WIPF3: variants seen among roughly 807,000 people sequenced by gnomAD.
WIPF3 encodes the protein WAS/WASL-interacting protein family member 3.
Under a neutral mutation model 38.9 loss-of-function variants are expected in WIPF3, and 33 were observed. The ratio of observed to expected loss-of-function variants is 0.85; its 90% CI spans 0.64 to 1.14. The LOEUF is 1.14. Among genes scored for constraint, WIPF3 ranks in the 50% most tolerant of loss-of-function variants. The pLI is 0.00. For missense variants in WIPF3, 711 were observed against 652.5 expected (o/e 1.09, Z -0.98); for synonymous variants, 324 against 269.3 (o/e 1.20, Z -1.99).
chr7:29,867,107 T>C (rs1439646983), intron 2 of WIPF3, among the ~76,000 whole-genome samples: 1 of 152,244 alleles, frequency 6.6e-6, no homozygotes, highest in Non-Finnish European at 1.5e-5. Context: ...TACAAATGCC[T>C]TCCCATTTCT....
At chr7:29,887,797 C>T (rs1186447466) in intron 5 of WIPF3, among the ~76,000 whole-genome samples, 1 of 152,196 alleles carries the variant, frequency 6.6e-6, no homozygotes, top group Non-Finnish European at 1.5e-5. Context: ...TTAAATTCAA[C>T]TCATTGAATC....
chr7:29,879,860 T>C (rs1562784405), intron 4 of WIPF3, among the ~76,000 whole-genome samples: 1 of 152,186 alleles, frequency 6.6e-6, no homozygotes, highest in Non-Finnish European at 1.5e-5. Context: ...TAAAGTCTCT[T>C]GAGGCTTAGT....
chr7:29,846,562 A>C (rs941287726), intron 2 of WIPF3, among the ~76,000 whole-genome samples: 6 of 152,230 alleles, frequency 3.9e-5, no homozygotes, highest in African/African-American at 1.4e-4. Context: ...TTTGCTGGGC[A>C]TGGTGGCGTG....
At position 29,884,511 on chromosome 7, in the gene WIPF3, G is replaced by T. The variant is rs1290276378; in HGVS notation, c.1017G>T (p.Lys339Asn). 6.3e-7 allele frequency: 1 copy of T among 1,578,372 alleles called. No homozygotes were observed. Among genetic ancestry groups the T allele is most frequent in the Non-Finnish European group, 8.6e-7 (1 of 1,163,750 alleles). Residue 339 changes from lysine to asparagine, a missense_variant, in exon 5 of 9, where the codon AAG becomes AAT. Transcript: ENST00000242140. ...KSPSFQAPPQKAGAQALPAPP... is the reference protein window; with the variant it reads ...KSPSFQAPPQNAGAQALPAPP... ...CCAGCTTCCAGGCCCCACCGCAGAA[G>T]GCCGGTGCGCAGGCCTTGCCCGCCC...
intron 3 of WIPF3, among the ~76,000 whole-genome samples, chr7:29,877,671 C>T (rs1054155645): frequency 1.3e-5 from 2 of 152,070 alleles, no homozygotes; most frequent in African/African-American, 2.4e-5. Flanking sequence ...GACGGTGACA[C>T]CTTTGCTTTC....
chr7:29,859,881 C>T (rs1283632744), intron 2 of WIPF3, among the ~76,000 whole-genome samples: 1 of 152,144 alleles, frequency 6.6e-6, no homozygotes, highest in Non-Finnish European at 1.5e-5. Flanking sequence ...CATAGCTGGG[C>T]CTTGGAAGCT....
chr7:29,819,178 G>A (rs1784500309), intron 1 of WIPF3, among the ~76,000 whole-genome samples: 1 of 151,702 alleles, frequency 6.6e-6, no homozygotes, highest in Non-Finnish European at 1.5e-5. Context: ...TCTTGGTGGT[G>A]GATCTTTGAC....
intron 8 of WIPF3, among the ~76,000 whole-genome samples, chr7:29,909,547 G>C (rs937827300): frequency 6.6e-6 from 1 of 152,158 alleles, no homozygotes; most frequent in Admixed American, 6.5e-5. Flanking sequence ...GGATGACCTA[G>C]ATGAAATGGA....
rs76797415 is a variant in WIPF3, at chr7:29,828,167, G to A, written c.-57-6501G>A. The stretch of plus-strand genomic sequence containing the variant: ...ATTTAAAAACATAAGCACACTTTCT[G>A]TGTGTGAACAGCTGTACTCTCACAG... On this transcript the variant is annotated intron_variant, in intron 1 of 8. Coordinates refer to ENST00000242140, the MANE Select transcript of WIPF3 (RefSeq NM_001080529.3). 8.8e-3 allele frequency among the ~76,000 whole-genome samples: 1,337 copies of A among 152,236 alleles called. 20 individuals are homozygous for A. Among genetic ancestry groups the A allele is most frequent in the African/African-American group, 0.031 (1,272 of 41,512 alleles).
At chr7:29,840,309 C>T (rs1017301802) in intron 2 of WIPF3, among the ~76,000 whole-genome samples, 1 of 152,246 alleles carries the variant, frequency 6.6e-6, no homozygotes, top group Non-Finnish European at 1.5e-5. Context: ...GAGTCTCCTA[C>T]TTAAGGCCTC....
intron 8 of WIPF3, 70 bp from the exon 9 acceptor site, chr7:29,914,423 G>A (rs1562793982): frequency 1.6e-6 from 2 of 1,276,840 alleles, no homozygotes; most frequent in South Asian, 1.9e-5. Flanking sequence ...TTGGGGGGGT[G>A]GAGGAGGAAG....
intron 1 of WIPF3, among the ~76,000 whole-genome samples, chr7:29,809,702 C>T (rs949722765): frequency 4.6e-5 from 7 of 152,200 alleles, no homozygotes; most frequent in African/African-American, 1.7e-4. Flanking sequence ...TTTCCTTAGA[C>T]CTGTTCAAGA....
At chr7:29,819,047 T>C (rs1784498677) in intron 1 of WIPF3, among the ~76,000 whole-genome samples, 1 of 152,210 alleles carries the variant, frequency 6.6e-6, no homozygotes, top group South Asian at 2.1e-4. Context: ...ATAAATGAGA[T>C]TGGTCAGTAG....
At chr7:29,901,742 G>A (rs1235736388) in intron 7 of WIPF3, among the ~76,000 whole-genome samples, 1 of 150,534 alleles carries the variant, frequency 6.6e-6, no homozygotes, top group Non-Finnish European at 1.5e-5. Flanking sequence ...GGAGGCTGAG[G>A]TGACAGGATT....
intron 1 of WIPF3, among the ~76,000 whole-genome samples, chr7:29,831,677 T>TC (rs1211179616): frequency 6.6e-6 from 1 of 152,242 alleles, no homozygotes; most frequent in Non-Finnish European, 1.5e-5. Context: ...TAAAGTCTAA[T>TC]CAGGTGTTTG....
chr7:29,858,953 T>G (rs561111958), intron 2 of WIPF3, among the ~76,000 whole-genome samples: 2 of 152,360 alleles, frequency 1.3e-5, no homozygotes, highest in South Asian at 2.1e-4. Flanking sequence ...GAGTGCTTAT[T>G]ATGTATAAGA....
At chr7:29,846,184 G>A (rs1279793351) in intron 2 of WIPF3, among the ~76,000 whole-genome samples, 1 of 152,152 alleles carries the variant, frequency 6.6e-6, no homozygotes, top group Non-Finnish European at 1.5e-5. Context: ...TTTTGGCACA[G>A]CCTTTCTCAT....
In WIPF3 at chr7:29,834,827, T is replaced by A; in HGVS notation, c.90+13T>A. On this transcript the variant is annotated intron_variant, in intron 2 of 8. Coordinates refer to ENST00000242140, the MANE Select transcript of WIPF3 (RefSeq NM_001080529.3). ...ATCAGCACCCCCGGTAAGACCTTTT[T>A]TTCTGATTGGTTTACTGTGGAGCAT... The A allele has an allele frequency of 6.5e-7, 1 of 1,537,328 alleles. No homozygotes were observed. The highest frequency in any genetic ancestry group is 8.8e-7 in the Non-Finnish European group (1 of 1,139,104).
chr7:29,912,533 C>G (rs986692584), intron 8 of WIPF3: 1 of 212,226 alleles, frequency 4.7e-6, no homozygotes, highest in Non-Finnish European at 1.0e-5. Flanking sequence ...ACTTGATCCT[C>G]TTGTAGTTCA....
Sources: gnomAD v4.1 joint callset for allele counts (sites outside exome capture counted in the v4.1 genomes callset) on GRCh38, gnomAD v4.1.1 for gene constraint, MANE v1.5 for transcripts, NCBI Gene and HGNC (gene_info 2026-07-23, HGNC 2026-07-21) for gene names.